The following ARPC3 variants were observed in gnomAD, a reference collection of about 807,000 sequenced individuals.
The protein encoded by ARPC3 is actin related protein 2/3 complex subunit 3.
Under a neutral mutation model 27.6 loss-of-function variants are expected in ARPC3, and 12 were observed. The observed-to-expected ratio is 0.43, with a 90% CI of 0.28 to 0.70. The LOEUF is 0.70. Ranked by LOEUF, ARPC3 falls within the 30% of genes least tolerant of loss-of-function variation. ARPC3 has a pLI of 0.17. For synonymous variants in ARPC3, 53 were observed against 67.2 expected (o/e 0.79, Z 1.03); for missense variants, 153 against 207.7 (o/e 0.74, Z 1.62).
At chr12:110,435,961 T>C in intron 6 of ARPC3, 149 bp downstream of exon 6, 1 of 752,290 alleles carries the variant, frequency 1.3e-6, no homozygotes. Flanking sequence ...AGTGAACTCA[T>C]ATTACATACT....
intron 4 of ARPC3, 108 bp downstream of exon 4, chr12:110,436,976 A>G (rs1316949068): frequency 2.7e-5 from 23 of 856,642 alleles, no homozygotes; most frequent in Non-Finnish European, 4.1e-5. Flanking sequence ...AGTCAGAGGA[A>G]ATATTTTCTA....
intron 3 of ARPC3, among the ~76,000 whole-genome samples, chr12:110,438,843 A>G (rs2062420101): frequency 6.6e-6 from 1 of 150,816 alleles, no homozygotes; most frequent in Non-Finnish European, 1.5e-5. Flanking sequence ...GGGTTTCCCC[A>G]TGTTGGTCAG....
At chr12:110,435,322 CTTTT>C (rs372540827) in intron 6 of ARPC3, 105 bp from the exon 7 acceptor site, 201 of 680,064 alleles carry the variant, frequency 3.0e-4, no homozygotes, top group Middle Eastern at 7.4e-4. Flanking sequence ...CTCTTATAAA[CTTTT>C]TTTTTTTTTT....
intron 1 of ARPC3, among the ~76,000 whole-genome samples, chr12:110,447,750 C>G (rs1016278250): frequency 6.6e-6 from 1 of 151,764 alleles, no homozygotes; most frequent in Non-Finnish European, 1.5e-5. Context: ...TCCAGCCTGG[C>G]GACACAGCAA....
intron 2 of ARPC3, chr12:110,440,603 G>C (rs1235910869): frequency 1.7e-5 from 8 of 457,790 alleles, no homozygotes; most frequent in Non-Finnish European, 3.2e-5. Context: ...CTGGAGTGCA[G>C]TGGCGTGATC....
At chr12:110,444,585 T>C (rs2062454565) in intron 2 of ARPC3, among the ~76,000 whole-genome samples, 1 of 152,168 alleles carries the variant, frequency 6.6e-6, no homozygotes, top group Non-Finnish European at 1.5e-5. Context: ...GCACCCAGCC[T>C]TGTGATTTTC....
chr12:110,437,002 TC>T, intron 4 of ARPC3, 81 bp downstream of exon 4: 1 of 1,011,272 alleles, frequency 9.9e-7, no homozygotes, highest in Non-Finnish European at 1.6e-6. Context: ...CTTTAAAGTC[TC>T]AACAAATCCC....
At chr12:110,440,086 G>C (rs1340104475) in intron 3 of ARPC3, among the ~76,000 whole-genome samples, 1 of 152,066 alleles carries the variant, frequency 6.6e-6, no homozygotes, top group African/African-American at 2.4e-5. Flanking sequence ...AGGGGCAGTG[G>C]GCCAAATGTG....
chr12:110,436,783 C>A, intron 4 of ARPC3, 100 bp from the exon 5 acceptor site: 1 of 1,007,454 alleles, frequency 9.9e-7, no homozygotes, highest in East Asian at 2.6e-5. Flanking sequence ...AGAATTCTAT[C>A]CTTGGACCCC....
chr12:110,444,139 G>C (rs118080572), intron 2 of ARPC3, among the ~76,000 whole-genome samples: 1,707 of 151,828 alleles, frequency 0.011, 16 homozygotes, highest in Non-Finnish European at 0.018. Flanking sequence ...CCGGCTGATT[G>C]TTTGTATTTT....
At chr12:110,440,695 T>G (rs1306736105) in intron 2 of ARPC3, among the ~76,000 whole-genome samples, 1 of 150,606 alleles carries the variant, frequency 6.6e-6, no homozygotes, top group Non-Finnish European at 1.5e-5. Context: ...TACAGGCACC[T>G]GCCACCACAC....
chr12:110,450,331 C>T lies in ARPC3; in HGVS notation c.-71G>A. 6.2e-6 allele frequency: 10 copies of T among 1,607,676 alleles called. No individual in the cohort carries two copies. Among genetic ancestry groups the T allele is most frequent in the Non-Finnish European group, 8.5e-6 (10 of 1,175,488 alleles). ...CAGCGGAGCGCTTCCGGTCTGGCAG[C>T]CTGGGCGAGGTAGGCGGAAGCGAAA... On this transcript the variant is annotated 5_prime_UTR_variant, in exon 1 of 7. Transcript: ENST00000228825.
rs200224002 is a variant in ARPC3, at chr12:110,436,646, G to A, written c.290C>T (p.Thr97Met). The A allele has an allele frequency of 1.1e-5, 18 of 1,602,832 alleles. No homozygotes were observed. The highest frequency in any genetic ancestry group is 2.8e-5 in the African/African-American group (2 of 72,438). Residue 97 changes from threonine to methionine, a missense_variant, in exon 5 of 7, where the codon ACG (threonine) becomes ATG (methionine). Physicochemically the swap from Thr to Met is moderately conservative, Grantham distance 81 (BLOSUM62 -1). Transcript: ENST00000228825. ...SKSQGEKEMY[T>M]LGITNFPIPG... ...AATGGGAAAATTAGTGATTCCCAGCGTATACATTTCTTTCTCACCTTGGCT... is the reference window on the plus strand; with the variant it reads ...AATGGGAAAATTAGTGATTCCCAGCATATACATTTCTTTCTCACCTTGGCT...
chr12:110,436,813 C>G, intron 4 of ARPC3, 130 bp from the exon 5 acceptor site: 1 of 816,216 alleles, frequency 1.2e-6, no homozygotes, highest in Non-Finnish European at 1.9e-6. Flanking sequence ...ACCCTTGAGT[C>G]AAGGGCTTAA....
intron 3 of ARPC3, among the ~76,000 whole-genome samples, chr12:110,438,541 C>A (rs539411515): frequency 6.7e-6 from 1 of 150,174 alleles, no homozygotes; most frequent in East Asian, 2.0e-4. Context: ...GAGGGTTGCA[C>A]TGAGCCGAGA....
At position 110,445,435 on chromosome 12, in the gene ARPC3, A is replaced by G. The variant is rs2062458913; in HGVS notation, c.106+17T>C. 2 of 1,567,992 alleles carry G rather than the reference A, an allele frequency of 1.3e-6. No homozygotes were observed. On this transcript the variant is annotated intron_variant, in intron 2 of 6. Coordinates refer to ENST00000228825, the MANE Select transcript of ARPC3 (RefSeq NM_001278556.2). ...GCATTTCGTACCAAAATTTGAAAATAATGGGTTTAGACTTACTCTCTCTGG... is the reference window on the plus strand; with the variant it reads ...GCATTTCGTACCAAAATTTGAAAATGATGGGTTTAGACTTACTCTCTCTGG...
chr12:110,445,656 T>G (rs967689907), intron 1 of ARPC3, 105 bp from the exon 2 acceptor site: 2 of 844,526 alleles, frequency 2.4e-6, no homozygotes, highest in Admixed American at 3.7e-5. Context: ...CACCCAAGAT[T>G]AATTAGGGGA....
At chr12:110,439,729 G>A (rs2062425880) in intron 3 of ARPC3, among the ~76,000 whole-genome samples, 1 of 152,198 alleles carries the variant, frequency 6.6e-6, no homozygotes, top group Non-Finnish European at 1.5e-5. Flanking sequence ...AGCTACCTGG[G>A]AGGCTGAGGC....
At chr12:110,441,478 C>G (rs1476072119) in intron 2 of ARPC3, among the ~76,000 whole-genome samples, 2 of 152,038 alleles carry the variant, frequency 1.3e-5, no homozygotes, top group African/African-American at 4.8e-5. Context: ...ATTTTTACAG[C>G]TTTATTGTTT....
Sources: allele counts gnomAD v4.1 joint callset (sites outside exome capture counted in the v4.1 genomes callset), GRCh38; gene constraint gnomAD v4.1.1; transcripts MANE v1.5; gene names NCBI Gene and HGNC (gene_info 2026-07-23, HGNC 2026-07-21).